KRIT1: variants seen among roughly 807,000 people sequenced by gnomAD.
KRIT1 encodes the protein KRIT1 ankyrin repeat containing.
Under a neutral mutation model 95.8 loss-of-function variants are expected in KRIT1, and 45 were observed. That is an observed-to-expected ratio of 0.47 (90% CI 0.37 to 0.60). KRIT1 has a LOEUF of 0.60. KRIT1 is among the 20% of genes least tolerant of loss of function. The pLI is 0.00. For synonymous variants in KRIT1, 282 were observed against 278.8 expected (o/e 1.01, Z -0.11); for missense variants, 788 against 877.5 (o/e 0.90, Z 1.29).
chr7:92,208,864 T>A (rs1038159153), intron 17 of KRIT1, among the ~76,000 whole-genome samples: 10 of 136,366 alleles, frequency 7.3e-5, no homozygotes, highest in African/African-American at 2.8e-4. Context: ...ATCATTCCAA[T>A]AACAAAACCA....
At chr7:92,223,146 C>A (rs1481299400) in intron 12 of KRIT1, among the ~76,000 whole-genome samples, 168 bp from the exon 13 acceptor site, 1 of 151,914 alleles carries the variant, frequency 6.6e-6, no homozygotes, top group Non-Finnish European at 1.5e-5. Context: ...AAACATTTTA[C>A]TGGCCGGGCG....
chr7:92,201,742 A>T (rs1790208039), intron 17 of KRIT1, among the ~76,000 whole-genome samples: 1 of 151,646 alleles, frequency 6.6e-6, no homozygotes, highest in Non-Finnish European at 1.5e-5. Flanking sequence ...GCGTCCAAGT[A>T]TTCCTCATTG....
At chr7:92,222,114 G>A in intron 13 of KRIT1, 61 bp from the exon 14 acceptor site, 2 of 1,288,148 alleles carry the variant, frequency 1.6e-6, no homozygotes, top group African/African-American at 1.5e-5. Flanking sequence ...TCAATGCATA[G>A]AAACTTTGTA....
intron 17 of KRIT1, among the ~76,000 whole-genome samples, chr7:92,204,811 G>A (rs924969603): frequency 2.0e-5 from 3 of 151,940 alleles, no homozygotes; most frequent in Non-Finnish European, 4.4e-5. Context: ...GCCATGGACC[G>A]GTACCAGTCC....
intron 10 of KRIT1, among the ~76,000 whole-genome samples, chr7:92,232,936 G>A (rs1307532541): frequency 1.3e-5 from 2 of 151,938 alleles, no homozygotes; most frequent in African/African-American, 2.4e-5. Context: ...CTCGTGATCC[G>A]CCCACCTTGG....
chr7:92,213,129 T>C lies in KRIT1; in HGVS notation c.2025+66A>G, dbSNP rs1477784045. 5.1e-5 allele frequency: 55 copies of C among 1,069,266 alleles called. No homozygotes were observed. The South Asian group carries it at 6.6e-4, about 13-fold the overall frequency. 66.2% of individuals were successfully genotyped at this position (1,069,266 alleles called of 1,614,324 possible). Reference sequence around the variant, plus strand: ...ATATATGCCATTTCTAAATTCTTCATGTAGGTTGGTACTGTTGTTTTAACT... The same window carrying C: ...ATATATGCCATTTCTAAATTCTTCACGTAGGTTGGTACTGTTGTTTTAACT... On this transcript the variant is annotated intron_variant, in intron 17 of 18. Transcript: ENST00000394505.
rs749198788 is a variant in KRIT1 at position 92,226,550 on chromosome 7, G to A, written c.1122C>T (p.Leu374=). ...CTCTATCCGTTTCTGGGTGGTTTAG[G>A]AGAATCTGTACTATTTCAGCATGTC... ...GGGHAEIVQI[L]LNHPETDRHI... is the part of the protein sequence containing the mutation. Residue 374 remains leucine (L), a synonymous_variant, in exon 11 of 19, where the codon CTC becomes CTT. Coordinates refer to ENST00000394505, the MANE Select transcript of KRIT1 (RefSeq NM_194454.3). The A allele has an allele frequency of 1.2e-6, 2 of 1,612,898 alleles. No individual in the cohort carries two copies. Among genetic ancestry groups the A allele is most frequent in the Admixed American group, 3.3e-5 (2 of 60,006 alleles).
At chr7:92,232,088 C>A (rs998049393) in intron 10 of KRIT1, among the ~76,000 whole-genome samples, 1 of 152,106 alleles carries the variant, frequency 6.6e-6, no homozygotes, top group African/African-American at 2.4e-5. Flanking sequence ...CCTGCCACCA[C>A]GCCCAGCTAA....
At chr7:92,208,379 T>TA (rs914360644) in intron 17 of KRIT1, among the ~76,000 whole-genome samples, 12 of 142,300 alleles carry the variant, frequency 8.4e-5, no homozygotes, top group Non-Finnish European at 1.2e-4. Context: ...AAGAAAGACT[T>TA]AAAAAAAAAG....
chr7:92,201,204 T>C (rs1202481155), intron 18 of KRIT1, 103 bp downstream of exon 18: 56 of 731,244 alleles, frequency 7.7e-5, no homozygotes, highest in South Asian at 2.4e-4. Context: ...TTTCATGAAA[T>C]ATTACAGGTT....
intron 10 of KRIT1, 88 bp downstream of exon 10, chr7:92,234,361 G>T: frequency 9.5e-7 from 1 of 1,047,706 alleles, no homozygotes; most frequent in Non-Finnish European, 1.5e-6. Flanking sequence ...AAAGTATTTG[G>T]AATGAGAACA....
intron 13 of KRIT1, among the ~76,000 whole-genome samples, chr7:92,222,582 C>T (rs1196445063): frequency 6.6e-6 from 1 of 152,026 alleles, no homozygotes; most frequent in Non-Finnish European, 1.5e-5. Flanking sequence ...AATGCCATTG[C>T]CATAGAAGAA....
At chr7:92,201,717 G>C (rs1013951297) in intron 17 of KRIT1, among the ~76,000 whole-genome samples, 11 of 151,702 alleles carry the variant, frequency 7.3e-5, no homozygotes, top group African/African-American at 2.4e-4. Context: ...CCCGGAGTGT[G>C]ATGTTCCCCT....
chr7:92,229,179 A>G (rs1344880314), intron 10 of KRIT1, among the ~76,000 whole-genome samples: 1 of 152,176 alleles, frequency 6.6e-6, no homozygotes, highest in Non-Finnish European at 1.5e-5. Flanking sequence ...GCTTTTCACA[A>G]TGGTTGAACT....
intron 10 of KRIT1, among the ~76,000 whole-genome samples, chr7:92,234,122 A>ACAAAACAAGAGAAACTG (rs1014627154): frequency 2.0e-5 from 3 of 152,220 alleles, no homozygotes; most frequent in African/African-American, 4.8e-5. Context: ...TAATCCCAAT[A>ACAAAACAAGAGAAACTG]CAAAACAAGA....
intron 10 of KRIT1, among the ~76,000 whole-genome samples, chr7:92,230,985 A>C (rs1481123463): frequency 2.6e-5 from 4 of 152,332 alleles, no homozygotes; most frequent in Middle Eastern, 6.8e-3. Flanking sequence ...GTGAAGCTCC[A>C]AGTGAAATTG....
rs867558295 is a variant in KRIT1 at position 92,214,661 on chromosome 7, T to C, written c.1680A>G (p.Gln560=). The part of the protein sequence containing the change: ...KLITLASLLL[Q]IVYGNYESKK... ...TACTCTCATAATTTCCATAGACTAT[T>C]TGCAAAAGCAGACTTGCCAATGTTA... Residue 560 remains glutamine, a synonymous_variant, in exon 15 of 19, where the codon CAA becomes CAG. Transcript: ENST00000394505. The C allele has an allele frequency of 2.5e-6, 4 of 1,613,174 alleles. No individual in the cohort carries two copies. Among genetic ancestry groups the C allele is most frequent in the Middle Eastern group, 1.7e-4 (1 of 6,056 alleles).
intron 14 of KRIT1, among the ~76,000 whole-genome samples, chr7:92,216,045 C>T (rs1008444532): frequency 1.3e-5 from 2 of 151,678 alleles, no homozygotes; most frequent in Admixed American, 1.3e-4. Flanking sequence ...CTGGCTAACA[C>T]GGTGAAACCC....
At chr7:92,213,450 A>C (rs776738322) in intron 16 of KRIT1, 49 bp from the exon 17 acceptor site, 3 of 1,250,186 alleles carry the variant, frequency 2.4e-6, no homozygotes, top group South Asian at 1.2e-5. Context: ...TGAAAGGAAA[A>C]TGTACCATTG....
Sources: allele counts gnomAD v4.1 joint callset (sites outside exome capture counted in the v4.1 genomes callset), GRCh38; gene constraint gnomAD v4.1.1; transcripts MANE v1.5; gene names NCBI Gene and HGNC (gene_info 2026-07-23, HGNC 2026-07-21).